PAIP1: variants seen among roughly 807,000 people sequenced by gnomAD.
PAIP1 encodes polyadenylate-binding protein-interacting protein 1.
A neutral mutation model predicts 61.3 loss-of-function variants in PAIP1; 16 were observed. That is an observed-to-expected ratio of 0.26 (90% CI 0.18 to 0.40). The LOEUF (loss-of-function observed/expected upper bound fraction) is 0.40, where lower values mean the gene tolerates loss of function less well. Among genes scored for constraint, PAIP1 ranks in the 10% least tolerant of loss-of-function variants. PAIP1 has a pLI of 1.00. For missense variants in PAIP1, 416 were observed against 600.9 expected (o/e 0.69, Z 3.22); for synonymous variants, 187 against 226.2 (o/e 0.83, Z 1.56).
At chr5:43,546,346 C>G (rs1019882172) in intron 3 of PAIP1, among the ~76,000 whole-genome samples, 1 of 152,220 alleles carries the variant, frequency 6.6e-6, no homozygotes, top group African/African-American at 2.4e-5. Flanking sequence ...AGAAAGGCAA[C>G]AAGAAATAAA....
chr5:43,555,881 C>T lies in PAIP1; in HGVS notation c.384G>A (p.Leu128=), dbSNP rs1373268032. ...VVVAPVLMSK[L]SVNAPEFYPS... is the part of the protein sequence containing the mutation. ...GGTAAAATTCAGGGGCATTCACAGA[C>T]AGCTTAGACATTAATACAGGAGCTA... is the stretch of plus-strand genomic sequence containing the variant. The change falls in exon 2 of 11, where the codon CTG becomes CTA. Residue 128 remains leucine (L), a synonymous_variant. Transcript: ENST00000306846. The T allele has an allele frequency of 1.2e-6, 2 of 1,613,528 alleles. No homozygotes were observed. The highest frequency in any genetic ancestry group is 1.7e-6 in the Non-Finnish European group (2 of 1,179,854).
chr5:43,538,825 C>A, intron 5 of PAIP1, 99 bp downstream of exon 5: 1 of 703,074 alleles, frequency 1.4e-6, no homozygotes, highest in Non-Finnish European at 2.6e-6. Context: ...TCATTTCACT[C>A]TTAATGTTGT....
At chr5:43,539,651 C>G (rs1464959756) in intron 4 of PAIP1, among the ~76,000 whole-genome samples, 1 of 152,128 alleles carries the variant, frequency 6.6e-6, no homozygotes, top group Non-Finnish European at 1.5e-5. Context: ...CTGACAGCTT[C>G]AAATAACTGA....
intron 6 of PAIP1, among the ~76,000 whole-genome samples, chr5:43,535,997 A>AAC (rs1561230146): frequency 6.6e-6 from 1 of 152,076 alleles, no homozygotes; most frequent in Admixed American, 6.5e-5. Flanking sequence ...AAAAAAAAAA[A>AAC]CACAAACATG....
At chr5:43,529,681 T>C (rs1746860688) in intron 10 of PAIP1, 105 bp downstream of exon 10, 3 of 738,790 alleles carry the variant, frequency 4.1e-6, no homozygotes, top group Non-Finnish European at 7.4e-6. Context: ...CACGAGCCAC[T>C]GCGCCTGGCC....
intron 2 of PAIP1, among the ~76,000 whole-genome samples, chr5:43,554,939 T>TTC (rs1748003179): frequency 6.6e-6 from 1 of 152,234 alleles, no homozygotes; most frequent in Non-Finnish European, 1.5e-5. Flanking sequence ...ATGGGATATA[T>TTC]TCATGCAATG....
Position 43,534,474 on chromosome 5 carries a change from C to T in PAIP1, c.1197+379G>A, listed in dbSNP as rs570762391. Among the ~76,000 whole-genome samples, 635 of 152,302 alleles carry T rather than the reference C, an allele frequency of 4.2e-3. 2 individuals carry two copies. The highest frequency in any genetic ancestry group is 7.2e-3 in the Non-Finnish European group (489 of 68,022). ...TTGGCCTCCCAAAGCGCTGGGATTA[C>T]AGGTGTGAGCCACTACGCCCAGCCA... On this transcript the variant is annotated intron_variant, in intron 8 of 10. Transcript: ENST00000306846.
intron 10 of PAIP1, among the ~76,000 whole-genome samples, chr5:43,528,306 T>A (rs1296911332): frequency 1.3e-5 from 2 of 152,142 alleles, no homozygotes; most frequent in Admixed American, 1.3e-4. Flanking sequence ...CATGATTCTA[T>A]CAACATCTTC....
Position 43,547,685 on chromosome 5 carries a change from A to G in PAIP1, c.621+43T>C, listed in dbSNP as rs749027146. On this transcript the variant is annotated intron_variant, in intron 3 of 10. Coordinates refer to ENST00000306846, the MANE Select transcript of PAIP1 (RefSeq NM_006451.5). Reference sequence around the variant, plus strand: ...GAGTAGCCACTATCCTTGGGCTTCAAGGAAGCTATCTGAAGGTCACTGCAT... The same window carrying G: ...GAGTAGCCACTATCCTTGGGCTTCAGGGAAGCTATCTGAAGGTCACTGCAT... 20 of 1,326,980 alleles carry G rather than the reference A, an allele frequency of 1.5e-5. 1 individual carries two copies. The highest frequency in any genetic ancestry group is 2.1e-5 in the Non-Finnish European group (20 of 948,424). The allele number at this position is 1,326,980 out of a possible 1,614,324, so 82.2% of individuals were successfully genotyped here.
intron 9 of PAIP1, among the ~76,000 whole-genome samples, chr5:43,532,356 C>T (rs1033474318): frequency 6.6e-6 from 1 of 151,956 alleles, no homozygotes; most frequent in South Asian, 2.1e-4. Context: ...CACACAAACA[C>T]AGGAATAAGA....
chr5:43,545,835 T>C (rs1747614938), intron 3 of PAIP1, among the ~76,000 whole-genome samples: 1 of 151,864 alleles, frequency 6.6e-6, no homozygotes, highest in African/African-American at 2.4e-5. Flanking sequence ...AGTGGCGCAA[T>C]CTCGGCTCAC....
At chr5:43,555,684 T>A (rs1314769841) in intron 2 of PAIP1, 146 bp downstream of exon 2, 4 of 594,774 alleles carry the variant, frequency 6.7e-6, no homozygotes, top group Non-Finnish European at 1.2e-5. Context: ...TTTGTTTCCT[T>A]CTGAGTTCAA....
At chr5:43,550,314 C>A (rs1206467552) in intron 2 of PAIP1, among the ~76,000 whole-genome samples, 1 of 151,904 alleles carries the variant, frequency 6.6e-6, no homozygotes, top group African/African-American at 2.4e-5. Context: ...TCAAATTCAC[C>A]TAGATTGGTG....
rs368382175 is a variant in PAIP1, at chr5:43,556,004, A to G, written c.266-5T>C. 1 of 1,605,934 alleles carries G rather than the reference A, an allele frequency of 6.2e-7. No individual in the cohort carries two copies. The highest frequency in any genetic ancestry group is 1.3e-5 in the African/African-American group (1 of 74,276). On this transcript the variant is annotated splice_region_variant and splice_polypyrimidine_tract_variant and intron_variant, in intron 1 of 10. Transcript: ENST00000306846. The stretch of plus-strand genomic sequence containing the variant: ...CTCTCAGGGGCCTCGTTTGCTCTGC[A>G]AAAGAAAAAAAAACGGGGCGTCAGA...
At chr5:43,536,755 G>T in intron 6 of PAIP1, 64 bp downstream of exon 6, 2 of 858,400 alleles carry the variant, frequency 2.3e-6, no homozygotes, top group South Asian at 1.7e-5. Context: ...ATACTATATA[G>T]ACTAACCTTC....
At chr5:43,529,129 G>GAAA (rs10665308) in intron 10 of PAIP1, among the ~76,000 whole-genome samples, 6,530 of 142,624 alleles carry the variant, frequency 0.046, 218 homozygotes, top group Non-Finnish European at 0.054. Flanking sequence ...TAGTTCTCAA[G>GAAA]AAAAAAAAAA....
chr5:43,528,257 C>G (rs566648953), intron 10 of PAIP1, among the ~76,000 whole-genome samples: 1 of 152,212 alleles, frequency 6.6e-6, no homozygotes, highest in East Asian at 1.9e-4. Context: ...GTGGCGGGGC[C>G]AGAATTTGAC....
intron 1 of PAIP1, 29 bp downstream of exon 1, chr5:43,556,553 G>C (rs766627992): frequency 8.0e-7 from 1 of 1,245,826 alleles, no homozygotes; most frequent in Non-Finnish European, 1.0e-6. Flanking sequence ...TCGCCAAGGA[G>C]GACTGGGGCC....
intron 4 of PAIP1, among the ~76,000 whole-genome samples, chr5:43,540,042 A>G (rs186469708): frequency 1.3e-5 from 2 of 152,334 alleles, no homozygotes; most frequent in Non-Finnish European, 2.9e-5. Flanking sequence ...TTTGTAAACA[A>G]TTTTTAACAA....
Sources: gnomAD v4.1 joint callset for allele counts (sites outside exome capture counted in the v4.1 genomes callset) on GRCh38, gnomAD v4.1.1 for gene constraint, MANE v1.5 for transcripts, NCBI Gene and HGNC (gene_info 2026-07-23, HGNC 2026-07-21) for gene names.